CSMD1: variants seen among roughly 807,000 people sequenced by gnomAD.
CSMD1 encodes CUB and sushi domain-containing protein 1.
A neutral mutation model predicts 417.5 loss-of-function variants in CSMD1; 213 were observed. That is an observed-to-expected ratio of 0.51 (90% confidence interval 0.46 to 0.57). CSMD1 has a LOEUF of 0.57. CSMD1 is among the 20% of genes least tolerant of loss of function. The pLI is 0.00. For synonymous variants in CSMD1, 2,862 were observed against 1,736.8 expected (o/e 1.65, Z -16.11); for missense variants, 6,923 against 4,529.7 (o/e 1.53, Z -15.17).
At chr8:4,716,606 G>C (rs1458635372) in intron 1 of CSMD1, among the ~76,000 whole-genome samples, 5 of 152,170 alleles carry the variant, frequency 3.3e-5, no homozygotes, top group Non-Finnish European at 7.3e-5. Context: ...ATGAGTAGCA[G>C]AATATGGATT....
At chr8:3,462,715 C>A (rs146071598) in intron 12 of CSMD1, among the ~76,000 whole-genome samples, 16 of 152,250 alleles carry the variant, frequency 1.1e-4, no homozygotes, top group African/African-American at 3.9e-4. Flanking sequence ...ACTTCAGTCA[C>A]CCTGAAATCA....
intron 10 of CSMD1, among the ~76,000 whole-genome samples, chr8:3,564,340 G>A (rs34620356): frequency 2.6e-5 from 4 of 151,678 alleles, no homozygotes; most frequent in Non-Finnish European, 5.9e-5. Flanking sequence ...ATGTTTTGTC[G>A]TCCTCAGTGT....
intron 11 of CSMD1, among the ~76,000 whole-genome samples, chr8:3,483,500 T>C (rs528963590): frequency 6.6e-6 from 1 of 152,146 alleles, no homozygotes; most frequent in East Asian, 1.9e-4. Context: ...TCACCAAAAA[T>C]AAAATCCTCA....
intron 5 of CSMD1, among the ~76,000 whole-genome samples, chr8:3,925,885 T>C (rs142080903): frequency 2.8e-4 from 43 of 152,166 alleles, no homozygotes; most frequent in African/African-American, 7.5e-4. Context: ...TCAAGTTTTA[T>C]TTTTTAAATA....
rs117810563 is a variant in CSMD1, at chr8:4,926,621, A to G, written c.85+67711T>C. Among the ~76,000 whole-genome samples, 1,207 of 152,364 alleles carry G rather than the reference A, an allele frequency of 7.9e-3. 36 individuals carry two copies. Among genetic ancestry groups the G allele is most frequent in the Admixed American group, 0.051 (785 of 15,306 alleles). ...AAAATATGGAATAAAAAGCATGTATATAGTTCCTTAATTCTTGATTTCCTT... is the reference window on the plus strand; with the variant it reads ...AAAATATGGAATAAAAAGCATGTATGTAGTTCCTTAATTCTTGATTTCCTT... On this transcript the variant is annotated intron_variant, in intron 1 of 69. Transcript: ENST00000635120.
At chr8:3,999,795 T>A (rs1419406537) in intron 4 of CSMD1, among the ~76,000 whole-genome samples, 1 of 152,190 alleles carries the variant, frequency 6.6e-6, no homozygotes, top group Admixed American at 6.6e-5. Flanking sequence ...AAATCAAGAC[T>A]ACATGAGGGA....
chr8:3,013,706 C>T (rs117582274), intron 52 of CSMD1, among the ~76,000 whole-genome samples: 2 of 150,406 alleles, frequency 1.3e-5, no homozygotes, highest in South Asian at 4.2e-4. Flanking sequence ...GAGCTGAGAT[C>T]ACACCACTGC....
intron 1 of CSMD1, among the ~76,000 whole-genome samples, chr8:4,649,732 TTC>T (rs1235856125): frequency 2.0e-5 from 3 of 152,258 alleles, no homozygotes; most frequent in Non-Finnish European, 4.4e-5. Context: ...GAAGGCTAAA[TTC>T]TGTTTCTTTG....
At chr8:4,029,401 G>A (rs1797227085) in intron 4 of CSMD1, among the ~76,000 whole-genome samples, 1 of 152,174 alleles carries the variant, frequency 6.6e-6, no homozygotes, top group South Asian at 2.1e-4. Context: ...CAATCATGGT[G>A]GAAGGCAAGG....
At chr8:3,185,955 T>A (rs926610687) in intron 36 of CSMD1, among the ~76,000 whole-genome samples, 1 of 152,204 alleles carries the variant, frequency 6.6e-6, no homozygotes, top group Non-Finnish European at 1.5e-5. Flanking sequence ...TGTCTCTCTC[T>A]GATTTGTCTA....
intron 22 of CSMD1, among the ~76,000 whole-genome samples, chr8:3,347,761 AT>A (rs2117636509): frequency 6.6e-6 from 1 of 152,354 alleles, no homozygotes; most frequent in Non-Finnish European, 1.5e-5. Flanking sequence ...TGCTGGACTG[AT>A]AAATGTTAGA....
intron 10 of CSMD1, among the ~76,000 whole-genome samples, chr8:3,523,015 C>A (rs7465568): frequency 0.1 from 14,197 of 141,970 alleles, 779 homozygotes; most frequent in South Asian, 0.13. Context: ...ATACACACAC[C>A]CACACACACA....
chr8:4,193,547 C>G (rs772522193), intron 3 of CSMD1, among the ~76,000 whole-genome samples: 3 of 151,966 alleles, frequency 2.0e-5, no homozygotes, highest in Non-Finnish European at 4.4e-5. Flanking sequence ...AGGTCTGAGT[C>G]ACAAGAGGCT....
chr8:4,068,452 G>A (rs754783895), intron 3 of CSMD1, among the ~76,000 whole-genome samples: 4 of 152,172 alleles, frequency 2.6e-5, no homozygotes, highest in Non-Finnish European at 4.4e-5. Flanking sequence ...TATATTTTTA[G>A]AAAGAAGTCT....
chr8:4,399,478 A>G (rs1025947827), intron 3 of CSMD1, among the ~76,000 whole-genome samples: 1 of 152,174 alleles, frequency 6.6e-6, no homozygotes, highest in Non-Finnish European at 1.5e-5. Context: ...GCTTTTCCTC[A>G]TGTTCACGCT....
chr8:4,090,267 G>C (rs1015375180), intron 3 of CSMD1, among the ~76,000 whole-genome samples: 2 of 152,126 alleles, frequency 1.3e-5, no homozygotes, highest in African/African-American at 4.8e-5. Context: ...TTGTCAAAGA[G>C]CTTAGATTCT....
At chr8:4,133,934 T>C (rs1023041796) in intron 3 of CSMD1, among the ~76,000 whole-genome samples, 5 of 152,234 alleles carry the variant, frequency 3.3e-5, no homozygotes, top group East Asian at 1.9e-4. Flanking sequence ...AAAATCTTGA[T>C]GTTTTCTTTT....
intron 23 of CSMD1, among the ~76,000 whole-genome samples, chr8:3,321,425 C>T (rs1270522395): frequency 6.6e-6 from 1 of 152,134 alleles, no homozygotes; most frequent in East Asian, 1.9e-4. Flanking sequence ...GCATATTCCT[C>T]CTGAAGGCTC....
At chr8:4,223,680 A>G (rs923765492) in intron 3 of CSMD1, among the ~76,000 whole-genome samples, 1 of 152,226 alleles carries the variant, frequency 6.6e-6, no homozygotes, top group Non-Finnish European at 1.5e-5. Flanking sequence ...TGGAAAAATC[A>G]TTTGACTTCC....
Sources: allele counts gnomAD v4.1 joint callset (sites outside exome capture counted in the v4.1 genomes callset), GRCh38; gene constraint gnomAD v4.1.1; transcripts MANE v1.5; gene names NCBI Gene and HGNC (gene_info 2026-07-23, HGNC 2026-07-21).